Variants in CCNO observed in about 807,000 individuals in gnomAD.
The protein encoded by CCNO is cyclin O.
Under a neutral mutation model 23.9 loss-of-function variants are expected in CCNO, and 24 were observed. The observed-to-expected ratio is 1.00, with a 90% CI of 0.73 to 1.41. CCNO has a LOEUF of 1.41. CCNO is among the 40% of genes most tolerant of loss of function. CCNO has a pLI of 0.00. For missense variants in CCNO, 542 were observed against 476.2 expected (o/e 1.14, Z -1.29); for synonymous variants, 241 against 225.7 (o/e 1.07, Z -0.61).
In CCNO at chr5:55,233,583, G is replaced by T; in HGVS notation, c.-60C>A. The T allele has an allele frequency of 6.9e-7, 1 of 1,449,066 alleles. No homozygotes were observed. The highest frequency in any genetic ancestry group is 1.4e-5 in the South Asian group (1 of 69,738). 89.8% of individuals were successfully genotyped at this position (1,449,066 alleles called of 1,614,324 possible). On this transcript the variant is annotated 5_prime_UTR_variant, in exon 1 of 3. Transcript: ENST00000282572. ...GCCCGGGCTGCGGCGGGCAGCAAAC[G>T]CGCACTCGAAAGTGCGAAGGAGGCC...
At chr5:55,233,082 GGA>G in intron 1 of CCNO, 59 bp downstream of exon 1, 2 of 1,500,288 alleles carry the variant, frequency 1.3e-6, no homozygotes, top group Non-Finnish European at 1.8e-6. Context: ...CGGCAGGAGA[GGA>G]GAGAGCCTGG....
Position 55,231,550 on chromosome 5 carries a change from C to T in CCNO, c.878G>A (p.Arg293His), listed in dbSNP as rs1368356867. 3 of 1,613,440 alleles carry T rather than the reference C, an allele frequency of 1.9e-6. No individual in the cohort carries two copies. The highest frequency in any genetic ancestry group is 2.5e-6 in the Non-Finnish European group (3 of 1,179,968). Residue 293 changes from arginine (R) to histidine (H), a missense_variant, in exon 3 of 3, where the codon CGC (arginine) becomes CAC (histidine). Arg to His is a conservative substitution (Grantham distance 29). Coordinates refer to ENST00000282572, the MANE Select transcript of CCNO (RefSeq NM_021147.5). ...LAICCLALAD[R>H]MLRVSRPVDL... ...CACGGGCCGCGAGACCCGCAGCATG[C>T]GGTCCGCCAGCGCCAGGCAGCAGAT...
rs1239677700 is a variant in CCNO, at chr5:55,231,748, G to A, written c.680C>T (p.Thr227Ile). 1.3e-6 allele frequency: 2 copies of A among 1,573,458 alleles called. No individual in the cohort carries two copies. Among genetic ancestry groups the A allele is most frequent in the Non-Finnish European group, 1.7e-6 (2 of 1,160,122 alleles). ...ECIVLHKLHFTLGAPTISFFL... is the reference protein window; with the variant it reads ...ECIVLHKLHFILGAPTISFFL... ...GAAGCTAATGGTGGGCGCACCCAGG[G>A]TGAAGTGCAGCTTGTGCAGCACGAT... Residue 227 changes from threonine (T) to isoleucine (I), a missense_variant, in exon 3 of 3, where the codon ACC (threonine) becomes ATC (isoleucine). By Grantham distance (89) the Thr-to-Ile change is moderately conservative. Coordinates refer to ENST00000282572, the MANE Select transcript of CCNO (RefSeq NM_021147.5).
Position 55,233,260 on chromosome 5 carries a change from C to T in CCNO, c.264G>A (p.Gln88=). The change falls in exon 1 of 3, where the codon CAG becomes CAA. Residue 88 remains glutamine, a synonymous_variant. Transcript: ENST00000282572. ...RGGSPLPGPA[Q]PVAQLDLQTF... Reference sequence around the variant, plus strand: ...TCTGTAGATCTAGCTGCGCCACGGGCTGGGCCGGGCCGGGCAGGGGGCTAC... The same window carrying T: ...TCTGTAGATCTAGCTGCGCCACGGGTTGGGCCGGGCCGGGCAGGGGGCTAC... The T allele has an allele frequency of 6.3e-7, 1 of 1,588,732 alleles. No individual in the cohort carries two copies. The highest frequency in any genetic ancestry group is 8.5e-7 in the Non-Finnish European group (1 of 1,170,020).
intron 1 of CCNO, 104 bp from the exon 2 acceptor site, chr5:55,232,650 G>A (rs1354112247): frequency 1.8e-6 from 2 of 1,081,420 alleles, no homozygotes; most frequent in Non-Finnish European, 2.7e-6. Flanking sequence ...CCCAGGAGAG[G>A]GGCAAGAAGA....
In CCNO at chr5:55,232,450, T is replaced by C; in HGVS notation, c.478A>G (p.Thr160Ala). Residue 160 changes from threonine to alanine, a missense_variant, in exon 2 of 3, where the codon ACT becomes GCT. By Grantham distance (58) the Thr-to-Ala change is moderately conservative. Transcript: ENST00000282572. ...GTGGTGGTGAGGAAGCGGTCCAGAG[T>C]GTTCACCGTCAGGCACAGCGACTCG... ...SFESLCLTVN[T>A]LDRFLTTTPV... 6.2e-7 allele frequency: 1 copy of C among 1,613,744 alleles called. No individual in the cohort carries two copies. Among genetic ancestry groups the C allele is most frequent in the Non-Finnish European group, 8.5e-7 (1 of 1,179,946 alleles).
In CCNO at chr5:55,233,281, G is replaced by T; in HGVS notation, c.243C>A (p.Ser81Arg). The change falls in exon 1 of 3, where the codon AGC (serine) becomes AGA (arginine). Residue 81 changes from serine to arginine, a missense_variant. Transcript: ENST00000282572. ...CGGGCTGGGCCGGGCCGGGCAGGGG[G>T]CTACCACCCCGCGCCGCAGAGGGGC... ...AESPSAARGG[S>R]PLPGPAQPVA... The T allele has an allele frequency of 6.3e-7, 1 of 1,591,182 alleles. No homozygotes were observed. The highest frequency in any genetic ancestry group is 8.5e-7 in the Non-Finnish European group (1 of 1,170,934).
chr5:55,233,582 C>G lies in CCNO; in HGVS notation c.-59G>C. On this transcript the variant is annotated 5_prime_UTR_variant, in exon 1 of 3. Transcript: ENST00000282572. ...CGCCCGGGCTGCGGCGGGCAGCAAA[C>G]GCGCACTCGAAAGTGCGAAGGAGGC... 1 of 1,450,290 alleles carries G rather than the reference C, an allele frequency of 6.9e-7. No homozygotes were observed. The highest frequency in any genetic ancestry group is 9.0e-7 in the Non-Finnish European group (1 of 1,105,118). The allele number at this position is 1,450,290 out of a possible 1,614,324, so 89.8% of individuals were successfully genotyped here. A position where few individuals can be genotyped will look rare whatever the true frequency, so the allele number is the denominator to read the frequency against.
chr5:55,232,113 T>C (rs1349143869), intron 2 of CCNO, among the ~76,000 whole-genome samples: 1 of 152,200 alleles, frequency 6.6e-6, no homozygotes, highest in Non-Finnish European at 1.5e-5. Context: ...AAAGAGCTAT[T>C]TGGGACTGAT....
chr5:55,232,591 G>A, intron 1 of CCNO, 45 bp from the exon 2 acceptor site: 3 of 1,586,402 alleles, frequency 1.9e-6, no homozygotes, highest in Non-Finnish European at 2.6e-6. Context: ...GCTTAGGGTG[G>A]AGAGGGACTG....
intron 1 of CCNO, 26 bp from the exon 2 acceptor site, chr5:55,232,572 G>A (rs1429658108): frequency 6.2e-7 from 1 of 1,611,108 alleles, no homozygotes; most frequent in Non-Finnish European, 8.5e-7. Context: ...GGGGAGGCGG[G>A]CCCGCTGGGC....
In CCNO at chr5:55,232,542, G is replaced by A. The variant is rs1302522119; in HGVS notation, c.386C>T (p.Thr129Met). 1.9e-6 allele frequency: 3 copies of A among 1,613,354 alleles called. No homozygotes were observed. Among genetic ancestry groups the A allele is most frequent in the Admixed American group, 3.3e-5 (2 of 60,020 alleles). ...GAGCAGCTTACAGCGGGATTCCGCC[G>A]TCACCTGCCGGGAAGGAGGGGGGAG... is the stretch of plus-strand genomic sequence containing the variant. ...REALARQPQV[T>M]AESRCKLLSW... The change falls in exon 2 of 3, where the codon ACG (threonine) becomes ATG (methionine). Residue 129 changes from threonine (T) to methionine (M), a missense_variant. Physicochemically the swap from Thr to Met is moderately conservative, Grantham distance 81. Transcript: ENST00000282572.
At chr5:55,232,319 C>T (rs763656338) in intron 2 of CCNO, 42 bp downstream of exon 2, 32 of 1,540,132 alleles carry the variant, frequency 2.1e-5, no homozygotes, top group African/African-American at 2.7e-5. Context: ...AGTTTGGCTG[C>T]GTCCCCAGAT....
rs1390017060 is a variant in CCNO, at chr5:55,232,884, C to A, written c.381+259G>T. ...AGTTCGGTAGGAGTCCAGACTCAAC[C>A]CGGAAACGAATTCCTCTCTACCGTG... is the stretch of plus-strand genomic sequence containing the variant. On this transcript the variant is annotated intron_variant, in intron 1 of 2. Transcript: ENST00000282572. 1.0e-5 allele frequency: 6 copies of A among 590,090 alleles called. No homozygotes were observed. The East Asian group carries it at 1.7e-4, about 17-fold the overall frequency. 36.6% of individuals were successfully genotyped at this position (590,090 alleles called of 1,614,324 possible). A position where few individuals can be genotyped will look rare whatever the true frequency, so the allele number is the denominator to read the frequency against.
At position 55,231,235 on chromosome 5, in the gene CCNO, A is replaced by T; in HGVS notation, c.*140T>A. ...CAAAATAAATAAAATACCAGATGCTAGTATCGTACACTATTTACAACCTGC... is the reference window on the plus strand; with the variant it reads ...CAAAATAAATAAAATACCAGATGCTTGTATCGTACACTATTTACAACCTGC... On this transcript the variant is annotated 3_prime_UTR_variant, in exon 3 of 3. Transcript: ENST00000282572. The T allele has an allele frequency of 2.4e-6, 2 of 842,272 alleles. No homozygotes were observed. The highest frequency in any genetic ancestry group is 3.8e-6 in the Non-Finnish European group (2 of 527,762). 52.2% of individuals were successfully genotyped at this position (842,272 alleles called of 1,614,324 possible). A position where few individuals can be genotyped will look rare whatever the true frequency, so the allele number is the denominator to read the frequency against.
intron 1 of CCNO, 51 bp downstream of exon 1, chr5:55,233,092 T>C: frequency 2.0e-6 from 3 of 1,518,298 alleles, no homozygotes; most frequent in Non-Finnish European, 2.6e-6. Context: ...GGAGAGAGCC[T>C]GGGAGGAGAG....
At position 55,233,291 on chromosome 5, in the gene CCNO, C is replaced by T. The variant is rs746724407; in HGVS notation, c.233G>A (p.Arg78Gln). Residue 78 changes from arginine (R) to glutamine (Q), a missense_variant, in exon 1 of 3, where the codon CGG becomes CAG. Physicochemically the swap from Arg to Gln is conservative, Grantham distance 43 (BLOSUM62 1). Transcript: ENST00000282572. ...SDGAESPSAA[R>Q]GGSPLPGPAQ... ...CGGGCCGGGCAGGGGGCTACCACCCCGCGCCGCAGAGGGGCTCTCTGCGCC... is the reference window on the plus strand; with the variant it reads ...CGGGCCGGGCAGGGGGCTACCACCCTGCGCCGCAGAGGGGCTCTCTGCGCC... The T allele has an allele frequency of 6.3e-7, 1 of 1,590,944 alleles. No homozygotes were observed. Among genetic ancestry groups the T allele is most frequent in the Admixed American group, 1.7e-5 (1 of 57,180 alleles).
chr5:55,233,023 C>G lies in CCNO; in HGVS notation c.381+120G>C, dbSNP rs1020522071. The G allele has an allele frequency of 3.8e-6, 4 of 1,065,266 alleles. No homozygotes were observed. The East Asian group carries it at 1.1e-4, about 28-fold the overall frequency. 66.0% of individuals were successfully genotyped at this position (1,065,266 alleles called of 1,614,324 possible). On this transcript the variant is annotated intron_variant, in intron 1 of 2. Transcript: ENST00000282572. ...CTCCACGGCCCCTTGTGCTTCGACTCGGGGCGGGACCTGGGCTGTCGCGGG... is the reference window on the plus strand; with the variant it reads ...CTCCACGGCCCCTTGTGCTTCGACTGGGGGCGGGACCTGGGCTGTCGCGGG...
rs1745564305 is a variant in CCNO, at chr5:55,231,346, A to AG, written c.*28dup. The AG allele has an allele frequency of 6.2e-7, 1 of 1,609,172 alleles. No individual in the cohort carries two copies. Among genetic ancestry groups the AG allele is most frequent in the Non-Finnish European group, 8.5e-7 (1 of 1,176,700 alleles). On this transcript the variant is annotated 3_prime_UTR_variant, in exon 3 of 3. Transcript: ENST00000282572. ...ACGGGAGAGGTCCAGCAGCCGGGCCAGGGACTAAAAGGAAACGAAGGATCT... is the reference window on the plus strand; with the variant it reads ...ACGGGAGAGGTCCAGCAGCCGGGCCAGGGGACTAAAAGGAAACGAAGGATCT...
Sources: gnomAD v4.1 joint callset for allele counts (sites outside exome capture counted in the v4.1 genomes callset) on GRCh38, gnomAD v4.1.1 for gene constraint, MANE v1.5 for transcripts, NCBI Gene and HGNC (gene_info 2026-07-23, HGNC 2026-07-21) for gene names.